Variants in PPIG observed in about 807,000 individuals in gnomAD.
PPIG encodes the protein peptidyl-prolyl cis-trans isomerase G.
In PPIG, 26 loss-of-function variants were observed where a neutral mutation model predicts 87.9. The ratio of observed to expected loss-of-function variants is 0.30; its 90% confidence interval spans 0.22 to 0.41. The LOEUF (loss-of-function observed/expected upper bound fraction) is 0.41, where lower values mean the gene tolerates loss of function less well. PPIG is among the 10% of genes least tolerant of loss of function. The pLI, the probability that PPIG is intolerant of heterozygous loss-of-function variation, is 1.00. For missense variants in PPIG, 722 were observed against 879.4 expected, an observed-to-expected ratio of 0.82 and a Z score of 2.26; for synonymous variants, 308 against 276.5, an observed-to-expected ratio of 1.11 and a Z score of -1.13.
chr2:169,598,931 A>C (rs116073627), intron 1 of PPIG, among the ~76,000 whole-genome samples: 3,285 of 151,142 alleles, frequency 0.022, 56 homozygotes, highest in Non-Finnish European at 0.031. Flanking sequence ...ATATAAATAC[A>C]GGTTTATATT....
In PPIG at chr2:169,639,005, GT is replaced by G. The variant is rs1379093205; in HGVS notation, c.*1483del. 6.6e-6 allele frequency: 1 copy of G among 151,946 alleles called. No homozygotes were observed. Among genetic ancestry groups the G allele is most frequent in the Non-Finnish European group, 1.5e-5 (1 of 67,910 alleles). 9.4% of individuals were successfully genotyped at this position (151,946 alleles called of 1,614,324 possible). A position where few individuals can be genotyped will look rare whatever the true frequency, so the allele number is the denominator to read the frequency against. On this transcript the variant is annotated 3_prime_UTR_variant, in exon 14 of 14. Coordinates refer to ENST00000260970, the MANE Select transcript of PPIG (RefSeq NM_004792.3). Reference sequence around the variant, plus strand: ...ATCCAGTAGCTACTCAATGCTATTTGTACTGAATAAAGCAATTATTAACATG... The same window carrying G: ...ATCCAGTAGCTACTCAATGCTATTTGACTGAATAAAGCAATTATTAACATG...
chr2:169,605,974 T>G, intron 4 of PPIG, 65 bp from the exon 5 acceptor site: 1 of 1,152,076 alleles, frequency 8.7e-7, no homozygotes, highest in Admixed American at 1.9e-5. Flanking sequence ...TATTTTACAT[T>G]TATTTTGCTT....
chr2:169,586,921 A>G (rs749866679), intron 1 of PPIG, among the ~76,000 whole-genome samples: 1 of 152,058 alleles, frequency 6.6e-6, no homozygotes, highest in African/African-American at 2.4e-5. Context: ...GTGGCATTGC[A>G]TGCTTTTTGC....
chr2:169,631,998 T>G (rs547883673), intron 11 of PPIG, 65 bp downstream of exon 11: 3 of 1,353,704 alleles, frequency 2.2e-6, no homozygotes, highest in Non-Finnish European at 2.9e-6. Flanking sequence ...TAAAAAGTTA[T>G]TTATTTTAAA....
At position 169,637,301 on chromosome 2, in the gene PPIG, G is replaced by T. The variant is rs749864720; in HGVS notation, c.2043G>T (p.Lys681Asn). Residue 681 changes from lysine to asparagine, a missense_variant, in exon 14 of 14, where the codon AAG becomes AAT. Lys to Asn is a moderately conservative substitution (Grantham distance 94). This residue lies in a region of PPIG where 476 missense variants were observed against 483.1 expected (regional missense o/e 0.99). Transcript: ENST00000260970. ...HNSSNNSREK[K>N]ADRDQSPFSK... ...GCTCAAATAACAGCAGGGAAAAAAAGGCTGATAGAGATCAAAGTCCCTTCT... is the reference window on the plus strand; with the variant it reads ...GCTCAAATAACAGCAGGGAAAAAAATGCTGATAGAGATCAAAGTCCCTTCT... The T allele has an allele frequency of 4.4e-6, 7 of 1,607,518 alleles. No individual in the cohort carries two copies. In the East Asian group the frequency reaches 1.3e-4, roughly 31 times the overall value.
rs749979698 is a variant in PPIG at position 169,630,895 on chromosome 2, T to G, written c.669T>G (p.Thr223=). Residue 223 remains threonine, a synonymous_variant, in exon 10 of 14, where the codon ACT becomes ACG. Transcript: ENST00000260970. ...ATTCCTCTGATTCCGAAAGTGCTAC[T>G]GAAGAGAAATCAAAGAAAAGAAAAA... The part of the protein sequence containing the change: ...SSDSSDSESA[T]EEKSKKRKKK... 8.7e-6 allele frequency: 14 copies of G among 1,608,956 alleles called. No individual in the cohort carries two copies. In the Admixed American group the frequency reaches 2.2e-4, roughly 25 times the overall value.
chr2:169,628,437 T>C (rs934847988), intron 9 of PPIG, among the ~76,000 whole-genome samples: 1 of 152,184 alleles, frequency 6.6e-6, no homozygotes, highest in Non-Finnish European at 1.5e-5. Flanking sequence ...CAGAAGTCCT[T>C]GGTCAAGTAC....
At chr2:169,601,106 G>C (rs1025466929) in intron 1 of PPIG, among the ~76,000 whole-genome samples, 3 of 151,944 alleles carry the variant, frequency 2.0e-5, no homozygotes, top group African/African-American at 7.3e-5. Context: ...TTACTTTTTT[G>C]TTTCTTTTGA....
chr2:169,625,512 T>C (rs964946493), intron 9 of PPIG, among the ~76,000 whole-genome samples: 1 of 152,088 alleles, frequency 6.6e-6, no homozygotes, highest in African/African-American at 2.4e-5. Context: ...TTTGCCAGCC[T>C]AATGGATTTT....
chr2:169,613,264 A>G (rs183449985), intron 7 of PPIG, among the ~76,000 whole-genome samples: 4 of 152,322 alleles, frequency 2.6e-5, no homozygotes, highest in Admixed American at 1.3e-4. Flanking sequence ...TAGTGTCACA[A>G]TGAGGAAACA....
chr2:169,632,998 C>T (rs1482780914), intron 11 of PPIG, among the ~76,000 whole-genome samples, 162 bp from the exon 12 acceptor site: 2 of 151,124 alleles, frequency 1.3e-5, no homozygotes, highest in Non-Finnish European at 3.0e-5. Context: ...GGATGGTCTC[C>T]ATCTCCTGAC....
At chr2:169,610,205 G>A (rs546411234) in intron 7 of PPIG, among the ~76,000 whole-genome samples, 93 of 152,262 alleles carry the variant, frequency 6.1e-4, no homozygotes, top group South Asian at 4.4e-3. Flanking sequence ...GAAATCTGGC[G>A]CCTGATTATC....
At chr2:169,612,957 A>G (rs185325630) in intron 7 of PPIG, among the ~76,000 whole-genome samples, 201 of 152,256 alleles carry the variant, frequency 1.3e-3, no homozygotes, top group Non-Finnish European at 2.4e-3. Context: ...CCCGTTAGCA[A>G]TGTACAGGAG....
At chr2:169,599,739 T>G (rs888114009) in intron 1 of PPIG, among the ~76,000 whole-genome samples, 1 of 152,190 alleles carries the variant, frequency 6.6e-6, no homozygotes, top group Non-Finnish European at 1.5e-5. Context: ...TCACAGTGAC[T>G]GATATTTAAT....
chr2:169,588,412 C>T (rs1240186459), intron 1 of PPIG, among the ~76,000 whole-genome samples: 2 of 152,060 alleles, frequency 1.3e-5, no homozygotes, highest in African/African-American at 4.8e-5. Context: ...AGAACTTTTG[C>T]TTTTTTCCAT....
intron 9 of PPIG, among the ~76,000 whole-genome samples, chr2:169,627,451 A>T (rs1685919354): frequency 6.6e-6 from 1 of 152,218 alleles, no homozygotes; most frequent in East Asian, 1.9e-4. Context: ...CAAAAGTGAT[A>T]TGTAAATTAA....
intron 1 of PPIG, among the ~76,000 whole-genome samples, chr2:169,588,659 T>G (rs939770218): frequency 6.6e-6 from 1 of 152,092 alleles, no homozygotes; most frequent in African/African-American, 2.4e-5. Context: ...GGTAAATTTA[T>G]TATTATAAGA....
rs1330260343 is a variant in PPIG at position 169,638,760 on chromosome 2, AT to A, written c.*1240del. 2 of 152,026 alleles carry A rather than the reference AT, an allele frequency of 1.3e-5. No homozygotes were observed. The highest frequency in any genetic ancestry group is 1.3e-4 in the Admixed American group (2 of 15,250). The allele number at this position is 152,026 out of a possible 1,614,324, so 9.4% of individuals were successfully genotyped here. On this transcript the variant is annotated 3_prime_UTR_variant, in exon 14 of 14. Transcript: ENST00000260970. The stretch of plus-strand genomic sequence containing the variant: ...TAAACACTAAACATATCCAAAGTCC[AT>A]TTAGAGTTTTGGGTGTTGTATTTTG...
chr2:169,629,006 G>A (rs1248276519), intron 9 of PPIG, among the ~76,000 whole-genome samples: 3 of 145,486 alleles, frequency 2.1e-5, no homozygotes, highest in Admixed American at 1.4e-4. Context: ...ATCTTCAGAT[G>A]TTCCTGAGGC....
Sources: gnomAD v4.1 joint callset for allele counts (sites outside exome capture counted in the v4.1 genomes callset) on GRCh38, gnomAD v4.1.1 for gene constraint, gnomAD v4.1.1 regional missense constraint, MANE v1.5 for transcripts, NCBI Gene and HGNC (gene_info 2026-07-23, HGNC 2026-07-21) for gene names.